Variants in DEXI observed in about 807,000 individuals in gnomAD.
DEXI encodes Dexi homolog.
Under a neutral mutation model 2.5 loss-of-function variants are expected in DEXI, and 2 were observed. The observed-to-expected ratio is 0.81, with a 90% confidence interval of 0.33 to 2.55. The LOEUF (loss-of-function observed/expected upper bound fraction) is 2.55, where lower values mean the gene tolerates loss of function less well. Ranked by LOEUF, DEXI falls within the 30% of genes most tolerant of loss-of-function variation. The pLI, the probability that DEXI is intolerant of heterozygous loss-of-function variation, is 0.11. For synonymous variants in DEXI, 71 were observed against 68.7 expected (o/e 1.03, Z -0.17); for missense variants, 108 against 130.3 (o/e 0.83, Z 0.83).
Position 10,942,368 on chromosome 16 carries a change from T to G in DEXI, c.-363A>C. The G allele has an allele frequency of 5.5e-6, 1 of 181,488 alleles. No homozygotes were observed. Among genetic ancestry groups the G allele is most frequent in the East Asian group, 1.6e-4 (1 of 6,148 alleles). The allele number at this position is 181,488 out of a possible 1,614,324, so 11.2% of individuals were successfully genotyped here. A position where few individuals can be genotyped will look rare whatever the true frequency, so the allele number is the denominator to read the frequency against. ...GTGTCTAGGGCCGGTCCCGGCAGCC[T>G]TCTCTCCCGCCCCGCCCCGCAGGTC... On this transcript the variant is annotated 5_prime_UTR_variant, in exon 1 of 2. Transcript: ENST00000331808. The surrounding 1 kb of genome is among the most constrained non-coding windows in gnomAD (Gnocchi z 5.0).
In DEXI at chr16:10,941,643, C is replaced by T. The variant is rs897972996; in HGVS notation, c.*75G>A. ...AGATGGTGCCCCCAACCAGCTGCGG[C>T]GGCATGATCTGGGCGGCTGGTCCAG... On this transcript the variant is annotated 3_prime_UTR_variant, in exon 1 of 2. Coordinates refer to ENST00000331808, the MANE Select transcript of DEXI (RefSeq NM_014015.4). The surrounding 1 kb of genome is among the most constrained non-coding windows in gnomAD (Gnocchi z 6.4). The T allele has an allele frequency of 2.0e-6, 3 of 1,528,966 alleles. No homozygotes were observed. The highest frequency in any genetic ancestry group is 1.4e-5 in the African/African-American group (1 of 72,562). The allele number at this position is 1,528,966 out of a possible 1,614,324, so 94.7% of individuals were successfully genotyped here.
At chr16:10,933,474 G>A (rs1428907429) in intron 1 of DEXI, 1 of 152,274 alleles carries the variant, frequency 6.6e-6, no homozygotes, top group East Asian at 1.9e-4. Flanking sequence ...TGTGCTGATT[G>A]TGGTTCTGCC....
rs2040918880 is a variant in DEXI, at chr16:10,934,113, C to A, written c.*150-4554G>T. 6.6e-6 allele frequency: 1 copy of A among 152,254 alleles called. No homozygotes were observed. The highest frequency in any genetic ancestry group is 2.4e-5 in the African/African-American group (1 of 41,464). 9.4% of individuals were successfully genotyped at this position (152,254 alleles called of 1,614,324 possible). ...TCAGCAGCGGGCTTTGTGAAGATGC[C>A]TGGTCTACCACGTGCCTCCAGCTGG... On this transcript the variant is annotated intron_variant, in intron 1 of 1. Coordinates refer to ENST00000331808, the MANE Select transcript of DEXI (RefSeq NM_014015.4). The surrounding 1 kb of genome is among the most constrained non-coding windows in gnomAD (Gnocchi z 4.2).
In DEXI at chr16:10,941,657, C is replaced by A. The variant is rs2041104052; in HGVS notation, c.*61G>T. 2 of 1,541,908 alleles carry A rather than the reference C, an allele frequency of 1.3e-6. No individual in the cohort carries two copies. The highest frequency in any genetic ancestry group is 1.3e-5 in the South Asian group (1 of 79,406). On this transcript the variant is annotated 3_prime_UTR_variant, in exon 1 of 2. Transcript: ENST00000331808. This position sits in a 1 kb window ranked among gnomAD's most constrained non-coding sequence, Gnocchi z 6.4. The stretch of plus-strand genomic sequence containing the variant: ...ACCAGCTGCGGCGGCATGATCTGGG[C>A]GGCTGGTCCAGGGCATGGGTTGCGG...
rs746683666 is a variant in DEXI at position 10,937,840 on chromosome 16, G to A, written c.*149+3729C>T. ...AACACTCTAGGAAAACCACAGAGCCGGCTATCCAGGGTTCTGGTGCCCTGG... is the reference window on the plus strand; with the variant it reads ...AACACTCTAGGAAAACCACAGAGCCAGCTATCCAGGGTTCTGGTGCCCTGG... On this transcript the variant is annotated intron_variant, in intron 1 of 1. Coordinates refer to ENST00000331808, the MANE Select transcript of DEXI (RefSeq NM_014015.4). This position sits in a 1 kb window ranked among gnomAD's most constrained non-coding sequence, Gnocchi z 4.2. 2.6e-5 allele frequency: 4 copies of A among 152,170 alleles called. No homozygotes were observed. The highest frequency in any genetic ancestry group is 3.9e-4 in the East Asian group (2 of 5,186). 9.4% of individuals were successfully genotyped at this position (152,170 alleles called of 1,614,324 possible).
At position 10,941,370 on chromosome 16, in the gene DEXI, G is replaced by A; in HGVS notation, c.*149+199C>T. 3.7e-6 allele frequency: 1 copy of A among 273,928 alleles called. No individual in the cohort carries two copies. Among genetic ancestry groups the A allele is most frequent in the Non-Finnish European group, 6.2e-6 (1 of 161,014 alleles). 17.0% of individuals were successfully genotyped at this position (273,928 alleles called of 1,614,324 possible). On this transcript the variant is annotated intron_variant, in intron 1 of 1. Coordinates refer to ENST00000331808, the MANE Select transcript of DEXI (RefSeq NM_014015.4). The surrounding 1 kb of genome is among the most constrained non-coding windows in gnomAD (Gnocchi z 6.4). ...GGGGTCTCCTTCCTTTTCACCAGCT[G>A]TCCCCTTTGCTGGAGGAAGCTTTCC... is the stretch of plus-strand genomic sequence containing the variant.
At chr16:10,930,867 C>T (rs992945791) in intron 1 of DEXI, 1 of 152,308 alleles carries the variant, frequency 6.6e-6, no homozygotes, top group African/African-American at 2.4e-5. Flanking sequence ...TAATGTCTCT[C>T]CATAGCTGCC....
rs1273448546 is a variant in DEXI, at chr16:10,942,035, G to T, written c.-30C>A. ...CGGGTGGCAAGGGCGGCGGCCCGGC[G>T]ATCCCGGCGAACTCAGCCGCTGCGG... On this transcript the variant is annotated 5_prime_UTR_variant, in exon 1 of 2. Transcript: ENST00000331808. This position sits in a 1 kb window ranked among gnomAD's most constrained non-coding sequence, Gnocchi z 5.0. 62 of 1,372,188 alleles carry T rather than the reference G, an allele frequency of 4.5e-5. No homozygotes were observed. Among genetic ancestry groups the T allele is most frequent in the Non-Finnish European group, 5.2e-5 (55 of 1,064,738 alleles). The allele number at this position is 1,372,188 out of a possible 1,614,324, so 85.0% of individuals were successfully genotyped here. A position where few individuals can be genotyped will look rare whatever the true frequency, so the allele number is the denominator to read the frequency against.
rs770914330 is a variant in DEXI, at chr16:10,941,725, A to C, written c.281T>G (p.Leu94Trp). ...GGAACAGCAGTCGAGACCCTACTCC[A>C]AGTACGCATCAAAGACGTCGAGCTC... ...DSELDVFDAY[L>W]E The change falls in exon 1 of 2, where the codon TTG (leucine) becomes TGG (tryptophan). Residue 94 changes from leucine (L) to tryptophan (W), a missense_variant. Leu to Trp is a moderately conservative substitution (Grantham distance 61). Coordinates refer to ENST00000331808, the MANE Select transcript of DEXI (RefSeq NM_014015.4). The surrounding 1 kb of genome is among the most constrained non-coding windows in gnomAD (Gnocchi z 6.4). The C allele has an allele frequency of 6.2e-7, 1 of 1,609,042 alleles. No individual in the cohort carries two copies. Among genetic ancestry groups the C allele is most frequent in the Non-Finnish European group, 8.5e-7 (1 of 1,177,416 alleles).
In DEXI at chr16:10,942,100, G is replaced by A. The variant is rs963340548; in HGVS notation, c.-95C>T. ...GCGAGGGCACAGCGCAGCCATCCAG[G>A]GGTACCCTGGAGCCCGACAGAAGCA... On this transcript the variant is annotated 5_prime_UTR_variant, in exon 1 of 2. Coordinates refer to ENST00000331808, the MANE Select transcript of DEXI (RefSeq NM_014015.4). This position sits in a 1 kb window ranked among gnomAD's most constrained non-coding sequence, Gnocchi z 5.0. 44 of 1,046,962 alleles carry A rather than the reference G, an allele frequency of 4.2e-5. No individual in the cohort carries two copies. Among genetic ancestry groups the A allele is most frequent in the Middle Eastern group, 3.4e-4 (1 of 2,948 alleles). 64.9% of individuals were successfully genotyped at this position (1,046,962 alleles called of 1,614,324 possible).
rs1347576354 is a variant in DEXI at position 10,940,504 on chromosome 16, C to T, written c.*149+1065G>A. Reference sequence around the variant, plus strand: ...GCCCTTGCCCACCATATCTCAGCATCCCCTCTTCATTGCCACTTAGACCCT... The same window carrying T: ...GCCCTTGCCCACCATATCTCAGCATTCCCTCTTCATTGCCACTTAGACCCT... On this transcript the variant is annotated intron_variant, in intron 1 of 1. Transcript: ENST00000331808. This position sits in a 1 kb window ranked among gnomAD's most constrained non-coding sequence, Gnocchi z 4.2. The T allele has an allele frequency of 6.6e-6, 1 of 152,318 alleles. No homozygotes were observed. Among genetic ancestry groups the T allele is most frequent in the East Asian group, 1.9e-4 (1 of 5,202 alleles). 9.4% of individuals were successfully genotyped at this position (152,318 alleles called of 1,614,324 possible).
At position 10,937,521 on chromosome 16, in the gene DEXI, T is replaced by G. The variant is rs2041045595; in HGVS notation, c.*149+4048A>C. On this transcript the variant is annotated intron_variant, in intron 1 of 1. Coordinates refer to ENST00000331808, the MANE Select transcript of DEXI (RefSeq NM_014015.4). This position sits in a 1 kb window ranked among gnomAD's most constrained non-coding sequence, Gnocchi z 4.2. ...GAAATCCTGGAATAAGATAGACCAA[T>G]GCATCGATAACCCTCAGCTCCAAAT... 1 of 152,254 alleles carries G rather than the reference T, an allele frequency of 6.6e-6. No individual in the cohort carries two copies. 9.4% of individuals were successfully genotyped at this position (152,254 alleles called of 1,614,324 possible).
chr16:10,941,414 A>G lies in DEXI; in HGVS notation c.*149+155T>C. Reference sequence around the variant, plus strand: ...GCTTTCCAGCCCAAACGAAGGGCTTAAGAGGAGTCTGGCCATTCCTGGCAT... The same window carrying G: ...GCTTTCCAGCCCAAACGAAGGGCTTGAGAGGAGTCTGGCCATTCCTGGCAT... On this transcript the variant is annotated intron_variant, in intron 1 of 1. Transcript: ENST00000331808. The surrounding 1 kb of genome is among the most constrained non-coding windows in gnomAD (Gnocchi z 6.4). 1 of 642,132 alleles carries G rather than the reference A, an allele frequency of 1.6e-6. No individual in the cohort carries two copies. The highest frequency in any genetic ancestry group is 2.1e-6 in the Non-Finnish European group (1 of 465,190). The allele number at this position is 642,132 out of a possible 1,614,324, so 39.8% of individuals were successfully genotyped here. A position where few individuals can be genotyped will look rare whatever the true frequency, so the allele number is the denominator to read the frequency against.
At position 10,942,041 on chromosome 16, in the gene DEXI, G is replaced by A; in HGVS notation, c.-36C>T. On this transcript the variant is annotated 5_prime_UTR_variant, in exon 1 of 2. Coordinates refer to ENST00000331808, the MANE Select transcript of DEXI (RefSeq NM_014015.4). The surrounding 1 kb of genome is among the most constrained non-coding windows in gnomAD (Gnocchi z 5.0). ...GCAAGGGCGGCGGCCCGGCGATCCCGGCGAACTCAGCCGCTGCGGCGCCCG... is the reference window on the plus strand; with the variant it reads ...GCAAGGGCGGCGGCCCGGCGATCCCAGCGAACTCAGCCGCTGCGGCGCCCG... 2 of 1,359,684 alleles carry A rather than the reference G, an allele frequency of 1.5e-6. No homozygotes were observed. The highest frequency in any genetic ancestry group is 1.9e-6 in the Non-Finnish European group (2 of 1,058,960). The allele number at this position is 1,359,684 out of a possible 1,614,324, so 84.2% of individuals were successfully genotyped here. A position where few individuals can be genotyped will look rare whatever the true frequency, so the allele number is the denominator to read the frequency against.
chr16:10,936,640 T>G (rs2041029830), intron 1 of DEXI: 1 of 152,214 alleles, frequency 6.6e-6, no homozygotes, highest in Non-Finnish European at 1.5e-5. Flanking sequence ...CAGGAAAAAG[T>G]TGGAAGAGTG....
chr16:10,936,885 C>A (rs4780337), intron 1 of DEXI: 125,637 of 152,214 alleles, frequency 0.83, 52,214 homozygotes, highest in South Asian at 0.9. Flanking sequence ...TCCCAAAAGC[C>A]GAGTATGCTT....
Position 10,929,090 on chromosome 16 carries a change from G to A in DEXI, c.*619C>T, listed in dbSNP as rs969884993. On this transcript the variant is annotated 3_prime_UTR_variant, in exon 2 of 2. Transcript: ENST00000331808. This position sits in a 1 kb window ranked among gnomAD's most constrained non-coding sequence, Gnocchi z 4.3. ...AACGAGTAACCTGAAATGAAGGAGCGAGAATCCCACCCTCAGCCCCCCAAC... is the reference window on the plus strand; with the variant it reads ...AACGAGTAACCTGAAATGAAGGAGCAAGAATCCCACCCTCAGCCCCCCAAC... 5 of 514,172 alleles carry A rather than the reference G, an allele frequency of 9.7e-6. No homozygotes were observed. Among genetic ancestry groups the A allele is most frequent in the African/African-American group, 2.1e-5 (1 of 48,084 alleles). 31.9% of individuals were successfully genotyped at this position (514,172 alleles called of 1,614,324 possible).
At position 10,939,703 on chromosome 16, in the gene DEXI, T is replaced by G. The variant is rs2041075397; in HGVS notation, c.*149+1866A>C. The G allele has an allele frequency of 1.3e-5, 2 of 152,288 alleles. No homozygotes were observed. The highest frequency in any genetic ancestry group is 4.8e-5 in the African/African-American group (2 of 41,458). The allele number at this position is 152,288 out of a possible 1,614,324, so 9.4% of individuals were successfully genotyped here. On this transcript the variant is annotated intron_variant, in intron 1 of 1. Transcript: ENST00000331808. This position sits in a 1 kb window ranked among gnomAD's most constrained non-coding sequence, Gnocchi z 4.9. Reference sequence around the variant, plus strand: ...TTTCACTTCTGTTTCACTCCATGTCTACACCTACAGAGACCGTCTACTAGA... The same window carrying G: ...TTTCACTTCTGTTTCACTCCATGTCGACACCTACAGAGACCGTCTACTAGA...
Position 10,929,298 on chromosome 16 carries a change from G to GCGCTC in DEXI, c.*406_*410dup. ...CGAAGGTGAAGTGGGGGAAGCAGGT[G>GCGCTC]CGCTCCGGGATGAAGTGCAGGGAGG... is the stretch of plus-strand genomic sequence containing the variant. On this transcript the variant is annotated 3_prime_UTR_variant, in exon 2 of 2. Coordinates refer to ENST00000331808, the MANE Select transcript of DEXI (RefSeq NM_014015.4). This position sits in a 1 kb window ranked among gnomAD's most constrained non-coding sequence, Gnocchi z 4.3. 1.0e-6 allele frequency: 1 copy of GCGCTC among 985,988 alleles called. No individual in the cohort carries two copies. The highest frequency in any genetic ancestry group is 1.2e-6 in the Non-Finnish European group (1 of 829,986). The allele number at this position is 985,988 out of a possible 1,614,324, so 61.1% of individuals were successfully genotyped here. A position where few individuals can be genotyped will look rare whatever the true frequency, so the allele number is the denominator to read the frequency against.
Sources: gnomAD v4.1 joint callset for allele counts on GRCh38, gnomAD v4.1.1 for gene constraint, Gnocchi (gnomAD v3.1) non-coding constraint, MANE v1.5 for transcripts, NCBI Gene and HGNC (gene_info 2026-07-23, HGNC 2026-07-21) for gene names.